The following PAPPA2 variants were observed in gnomAD, a reference collection of about 807,000 sequenced individuals.
The protein encoded by PAPPA2 is pappalysin 2, also known as pappalysin-2.
In PAPPA2, 86 loss-of-function variants were observed where a neutral mutation model predicts 176.4. That is an observed-to-expected ratio of 0.49 (90% CI 0.41 to 0.58). The LOEUF (loss-of-function observed/expected upper bound fraction) is 0.58. PAPPA2 is among the 20% of genes least tolerant of loss of function. PAPPA2 has a pLI of 0.00. For synonymous variants in PAPPA2, 809 were observed against 852.2 expected (o/e 0.95, Z 0.88); for missense variants, 2,073 against 2,256.9 (o/e 0.92, Z 1.65).
At chr1:176,721,249 A>G (rs1278690734) in intron 12 of PAPPA2, among the ~76,000 whole-genome samples, 1 of 152,236 alleles carries the variant, frequency 6.6e-6, no homozygotes, top group South Asian at 2.1e-4. Context: ...AGAGTCTGGT[A>G]TAAATTAATA....
chr1:176,629,060 C>T (rs374920078), intron 3 of PAPPA2, among the ~76,000 whole-genome samples: 1 of 152,132 alleles, frequency 6.6e-6, no homozygotes, highest in Non-Finnish European at 1.5e-5. Flanking sequence ...CAGAGAGAGA[C>T]ATTTACTCCA....
At chr1:176,489,406 A>G (rs1652796058) in intron 1 of PAPPA2, among the ~76,000 whole-genome samples, 1 of 152,202 alleles carries the variant, frequency 6.6e-6, no homozygotes, top group African/African-American at 2.4e-5. Context: ...AATACCCTTT[A>G]TGAATACTTT....
chr1:176,808,389 G>A lies in PAPPA2; in HGVS notation c.5202+8257G>A, dbSNP rs185831395. Among the ~76,000 whole-genome samples the A allele has an allele frequency of 7.9e-5, 12 of 152,228 alleles. No homozygotes were observed. The East Asian group carries it at 1.9e-3, about 24-fold the overall frequency. On this transcript the variant is annotated intron_variant, in intron 21 of 22. Coordinates refer to ENST00000367662, the MANE Select transcript of PAPPA2 (RefSeq NM_020318.3). ...ATAGTTACATGGCAGTGCCCAGCTC[G>A]CATTTTGGGAGAAAAGGAATCATCT...
In PAPPA2 at chr1:176,807,269, G is replaced by A. The variant is rs958289501; in HGVS notation, c.5202+7137G>A. On this transcript the variant is annotated intron_variant, in intron 21 of 22. Transcript: ENST00000367662. ...ACAGTGACAGGCAATACAAGTGTGT[G>A]TATATGTTGAGAGGGCGAGAAGCTG... 2.6e-5 allele frequency among the ~76,000 whole-genome samples: 4 copies of A among 152,132 alleles called. No homozygotes were observed. The South Asian group carries it at 6.2e-4, about 24-fold the overall frequency.
chr1:176,802,154 G>A (rs1008612332), intron 21 of PAPPA2, among the ~76,000 whole-genome samples: 1 of 152,152 alleles, frequency 6.6e-6, no homozygotes, highest in African/African-American at 2.4e-5. Context: ...AAATGATTCT[G>A]AGGCTTGCTA....
intron 3 of PAPPA2, among the ~76,000 whole-genome samples, chr1:176,647,811 C>G (rs1272444142): frequency 6.6e-6 from 1 of 150,934 alleles, no homozygotes; most frequent in Non-Finnish European, 1.5e-5. Flanking sequence ...TTGTTTTTTT[C>G]CTTGCCAGTA....
At chr1:176,583,881 C>T (rs776164070) in intron 2 of PAPPA2, among the ~76,000 whole-genome samples, 6 of 152,068 alleles carry the variant, frequency 3.9e-5, no homozygotes, top group Non-Finnish European at 7.4e-5. Flanking sequence ...ATAGTAAGAC[C>T]CTATCTCCAC....
intron 2 of PAPPA2, among the ~76,000 whole-genome samples, chr1:176,578,315 G>A (rs1391514144): frequency 2.0e-5 from 3 of 152,164 alleles, no homozygotes; most frequent in East Asian, 1.9e-4. Flanking sequence ...CTCATCTAAC[G>A]TTATGGGGAA....
chr1:176,543,529 C>A (rs1473688233), intron 1 of PAPPA2, among the ~76,000 whole-genome samples: 1 of 152,004 alleles, frequency 6.6e-6, no homozygotes, highest in Non-Finnish European at 1.5e-5. Flanking sequence ...TTGATGTCTT[C>A]CTGTGGAGGT....
At chr1:176,786,460 G>C (rs916894270) in intron 17 of PAPPA2, among the ~76,000 whole-genome samples, 6 of 152,144 alleles carry the variant, frequency 3.9e-5, no homozygotes, top group Admixed American at 3.9e-4. Context: ...TGGTTACCCA[G>C]CTGCATTCAC....
At chr1:176,770,109 C>A (rs1664156552) in intron 16 of PAPPA2, among the ~76,000 whole-genome samples, 1 of 152,142 alleles carries the variant, frequency 6.6e-6, no homozygotes, top group Non-Finnish European at 1.5e-5. Flanking sequence ...TTATTGTGCA[C>A]ATTTTAAAAT....
chr1:176,795,040 C>A (rs528073280), intron 20 of PAPPA2, among the ~76,000 whole-genome samples: 1 of 152,174 alleles, frequency 6.6e-6, no homozygotes, highest in African/African-American at 2.4e-5. Flanking sequence ...TTGCTCATGT[C>A]CTCATGTGCC....
intron 20 of PAPPA2, among the ~76,000 whole-genome samples, chr1:176,795,424 T>C (rs761442449): frequency 6.6e-5 from 10 of 152,172 alleles, no homozygotes; most frequent in Non-Finnish European, 1.5e-4. Context: ...CTTTTTGTTT[T>C]CCCAAAAAGC....
intron 2 of PAPPA2, among the ~76,000 whole-genome samples, chr1:176,574,033 C>T (rs758764447): frequency 5.9e-5 from 9 of 151,934 alleles, no homozygotes; most frequent in Non-Finnish European, 1.3e-4. Context: ...TGAGAGGATA[C>T]CGTTGACATC....
At chr1:176,785,079 C>T (rs896790759) in intron 17 of PAPPA2, among the ~76,000 whole-genome samples, 1 of 152,100 alleles carries the variant, frequency 6.6e-6, no homozygotes, top group Middle Eastern at 3.2e-3. Context: ...CCACAAACAG[C>T]GCTAGGTAAC....
intron 3 of PAPPA2, among the ~76,000 whole-genome samples, chr1:176,665,948 T>A (rs956797923): frequency 1.4e-4 from 21 of 152,166 alleles, no homozygotes; most frequent in African/African-American, 4.6e-4. Context: ...AGAATAAGAA[T>A]CTAATCTTAG....
intron 12 of PAPPA2, among the ~76,000 whole-genome samples, chr1:176,719,730 T>C (rs1468070532): frequency 6.6e-6 from 1 of 152,190 alleles, no homozygotes; most frequent in Non-Finnish European, 1.5e-5. Context: ...TAACTCCATT[T>C]ATCTTTGATT....
At chr1:176,666,383 T>A (rs1038096722) in intron 3 of PAPPA2, among the ~76,000 whole-genome samples, 9 of 151,924 alleles carry the variant, frequency 5.9e-5, no homozygotes, top group African/African-American at 2.2e-4. Context: ...CAGATTATAA[T>A]GGGATTAGGA....
intron 21 of PAPPA2, among the ~76,000 whole-genome samples, chr1:176,820,998 T>C (rs771740054): frequency 1.3e-5 from 2 of 152,170 alleles, no homozygotes; most frequent in Non-Finnish European, 2.9e-5. Flanking sequence ...TGTATGTGCC[T>C]CATACCATTT....
Sources: gnomAD v4.1 joint callset for allele counts (sites outside exome capture counted in the v4.1 genomes callset) on GRCh38, gnomAD v4.1.1 for gene constraint, MANE v1.5 for transcripts, NCBI Gene and HGNC (gene_info 2026-07-23, HGNC 2026-07-21) for gene names.